The following CTNNA2 variants were observed in gnomAD, a reference collection of about 807,000 sequenced individuals.
CTNNA2 encodes the protein catenin alpha-2.
A neutral mutation model predicts 101.0 loss-of-function variants in CTNNA2; 42 were observed. The observed-to-expected ratio is 0.42, with a 90% CI of 0.32 to 0.54. CTNNA2 has a LOEUF of 0.54. CTNNA2 is among the 20% of genes least tolerant of loss of function. The pLI is 0.14. For missense variants in CTNNA2, 871 were observed against 1,223.1 expected, an observed-to-expected ratio of 0.71 and a Z score of 4.29; for synonymous variants, 450 against 456.4, an observed-to-expected ratio of 0.99 and a Z score of 0.18.
intron 7 of CTNNA2, among the ~76,000 whole-genome samples, chr2:79,912,050 A>G (rs1032124685): frequency 2.6e-5 from 4 of 152,188 alleles, no homozygotes; most frequent in African/African-American, 9.6e-5. Flanking sequence ...TTCTCTTTCA[A>G]TTTCATAAGC....
chr2:80,337,100 A>G (rs1351479903), intron 7 of CTNNA2, among the ~76,000 whole-genome samples: 1 of 152,162 alleles, frequency 6.6e-6, no homozygotes, highest in Non-Finnish European at 1.5e-5. Flanking sequence ...TTACCCCTGT[A>G]ATCCCAGCAC....
chr2:80,049,440 A>G lies in CTNNA2; in HGVS notation c.1056+139643A>G, dbSNP rs114990010. 1.2e-3 allele frequency among the ~76,000 whole-genome samples: 188 copies of G among 152,336 alleles called. 2 individuals are homozygous for G. The highest frequency in any genetic ancestry group is 4.3e-3 in the African/African-American group (177 of 41,594). On this transcript the variant is annotated intron_variant, in intron 7 of 18. Coordinates refer to ENST00000402739, the MANE Select transcript of CTNNA2 (RefSeq NM_001282597.3). ...ACACAGTGCTCAACAAGTAAAAATTATCATACATTTTGATAGAAATAATGA... is the reference window on the plus strand; with the variant it reads ...ACACAGTGCTCAACAAGTAAAAATTGTCATACATTTTGATAGAAATAATGA...
intron 7 of CTNNA2, chr2:80,301,953 C>A: frequency 7.4e-6 from 2 of 269,756 alleles, no homozygotes; most frequent in East Asian, 6.9e-5. Context: ...ACCTTTTTTA[C>A]ACTCTCAGAT....
intron 4 of CTNNA2, among the ~76,000 whole-genome samples, chr2:79,393,004 G>A (rs1481199255): frequency 2.0e-5 from 3 of 152,052 alleles, no homozygotes; most frequent in Non-Finnish European, 2.9e-5. Flanking sequence ...TTCTTCAAGC[G>A]GCTTCATGAA....
At chr2:80,451,590 A>G (rs1683509668) in intron 9 of CTNNA2, among the ~76,000 whole-genome samples, 1 of 152,240 alleles carries the variant, frequency 6.6e-6, no homozygotes, top group Non-Finnish European at 1.5e-5. Context: ...ACCTAGCTTC[A>G]TGTCAAGAGA....
intron 4 of CTNNA2, among the ~76,000 whole-genome samples, chr2:79,406,781 A>C (rs1402914434): frequency 2.0e-5 from 3 of 151,956 alleles, no homozygotes; most frequent in Non-Finnish European, 1.5e-5. Context: ...ATCACATATC[A>C]ACCTTTCAAG....
At position 79,386,456 on chromosome 2, in the gene CTNNA2, C is replaced by G. The variant is rs902109067; in HGVS notation, c.-135+12443C>G. Among the ~76,000 whole-genome samples, 3 of 152,102 alleles carry G rather than the reference C, an allele frequency of 2.0e-5. No homozygotes were observed. The East Asian group carries it at 5.8e-4, about 29-fold the overall frequency. On this transcript the variant is annotated intron_variant, in intron 4 of 21. Coordinates refer to the CTNNA2 transcript ENST00000466387. ...GTACTTTTGATTATACTTTTCCTTC[C>G]TCTTAGAATGCACTTTTTTCTTCTC...
rs1427885675 is a variant in CTNNA2, at chr2:80,206,462, A to G, written c.1057-186749A>G. The stretch of plus-strand genomic sequence containing the variant: ...TGTATTTGTAAGATGCTATCACATC[A>G]CATCCAATGTTCTTTAACAAGACAT... On this transcript the variant is annotated intron_variant, in intron 7 of 18. Transcript: ENST00000402739. Among the ~76,000 whole-genome samples the G allele has an allele frequency of 3.3e-5, 5 of 152,254 alleles. No individual in the cohort carries two copies. The East Asian group carries it at 9.6e-4, about 29-fold the overall frequency.
intron 7 of CTNNA2, among the ~76,000 whole-genome samples, chr2:79,926,509 T>C (rs779070923): frequency 3.9e-5 from 6 of 152,118 alleles, no homozygotes; most frequent in Admixed American, 6.6e-5. Context: ...CATTGAATTA[T>C]ACCCATACAG....
rs114116908 is a variant in CTNNA2 at position 79,460,268 on chromosome 2, A to G, written c.-134-44786A>G. ...TTGTTACACATATACACCATGAAAT[A>G]ATCACCTCAGTCTAACTATATGTGC... On this transcript the variant is annotated intron_variant, in intron 4 of 21. Transcript: ENST00000466387. 4.9e-3 allele frequency among the ~76,000 whole-genome samples: 740 copies of G among 152,310 alleles called. 10 individuals carry two copies. The highest frequency in any genetic ancestry group is 0.017 in the African/African-American group (696 of 41,574).
intron 4 of CTNNA2, among the ~76,000 whole-genome samples, chr2:79,403,392 T>C (rs915638397): frequency 3.3e-5 from 5 of 151,940 alleles, no homozygotes; most frequent in Admixed American, 1.3e-4. Context: ...TTATTTACAT[T>C]TGAATTTAAA....
chr2:79,723,827 T>C (rs1231898005), intron 2 of CTNNA2, among the ~76,000 whole-genome samples: 1 of 152,242 alleles, frequency 6.6e-6, no homozygotes, highest in Non-Finnish European at 1.5e-5. Context: ...CTATTAGTGC[T>C]GAAGTTTGTC....
At chr2:80,022,027 G>C (rs1416233610) in intron 7 of CTNNA2, among the ~76,000 whole-genome samples, 1 of 152,074 alleles carries the variant, frequency 6.6e-6, no homozygotes, top group Non-Finnish European at 1.5e-5. Context: ...CTTTCCTTTA[G>C]ATCTGCCTCC....
chr2:79,212,889 T>C (rs942517748), intron 2 of CTNNA2, among the ~76,000 whole-genome samples: 1 of 152,046 alleles, frequency 6.6e-6, no homozygotes, highest in African/African-American at 2.4e-5. Flanking sequence ...TGAGGAGTAG[T>C]AGAATAGCAG....
At chr2:79,579,428 A>C (rs1039100810) in intron 1 of CTNNA2, among the ~76,000 whole-genome samples, 8 of 152,152 alleles carry the variant, frequency 5.3e-5, no homozygotes, top group African/African-American at 1.9e-4. Flanking sequence ...TTACAGGTAG[A>C]ATTAGACACC....
chr2:79,243,999 G>A (rs910618577), intron 2 of CTNNA2, among the ~76,000 whole-genome samples: 1 of 152,022 alleles, frequency 6.6e-6, no homozygotes, highest in Non-Finnish European at 1.5e-5. Context: ...GTGGCAAGAG[G>A]GTGATGTTAA....
At chr2:80,409,358 T>C (rs1679354568) in intron 8 of CTNNA2, among the ~76,000 whole-genome samples, 1 of 152,020 alleles carries the variant, frequency 6.6e-6, no homozygotes, top group African/African-American at 2.4e-5. Flanking sequence ...TTTTTTACAG[T>C]GTTGTTTAGG....
In CTNNA2 at chr2:80,574,323, G is replaced by A; in HGVS notation, c.1893+9G>A. 1.9e-6 allele frequency: 3 copies of A among 1,601,154 alleles called. No individual in the cohort carries two copies. The highest frequency in any genetic ancestry group is 1.1e-5 in the South Asian group (1 of 89,642). On this transcript the variant is annotated intron_variant, in intron 13 of 18. Transcript: ENST00000402739. ...CTGTGCTGATGATCAGGGTATGTGAGGCCTCTGTAGCTCAGAGCTGGTCAG... is the reference window on the plus strand; with the variant it reads ...CTGTGCTGATGATCAGGGTATGTGAAGCCTCTGTAGCTCAGAGCTGGTCAG...
chr2:79,854,499 G>A (rs1210126651), intron 3 of CTNNA2, among the ~76,000 whole-genome samples: 1 of 152,186 alleles, frequency 6.6e-6, no homozygotes, highest in Non-Finnish European at 1.5e-5. Flanking sequence ...GGTAATAGTT[G>A]GGGTGGAGTC....
Sources: allele counts gnomAD v4.1 joint callset (sites outside exome capture counted in the v4.1 genomes callset), GRCh38; gene constraint gnomAD v4.1.1; transcripts MANE v1.5; gene names NCBI Gene and HGNC (gene_info 2026-07-23, HGNC 2026-07-21).